Variants in BTBD1 observed in about 807,000 individuals in gnomAD.
The protein encoded by BTBD1 is BTB/POZ domain-containing protein 1.
BTBD1 carries 34 observed loss-of-function variants against 48.0 expected under a neutral mutation model. The observed-to-expected ratio is 0.71, with a 90% confidence interval of 0.54 to 0.94. The LOEUF (loss-of-function observed/expected upper bound fraction) is 0.94, where lower values mean the gene tolerates loss of function less well. Ranked by LOEUF, BTBD1 falls within the 40% of genes least tolerant of loss-of-function variation. BTBD1 has a pLI of 0.00. For synonymous variants in BTBD1, 261 were observed against 242.1 expected (o/e 1.08, Z -0.72); for missense variants, 543 against 625.6 (o/e 0.87, Z 1.41).
Position 83,017,908 on chromosome 15 carries a change from A to G in BTBD1, c.*159T>C, listed in dbSNP as rs914862063. ...TGGAAAATCTGTTTTTAAATCATGC[A>G]AAGATTTAAATAAGCATTTTTCTAT... On this transcript the variant is annotated 3_prime_UTR_variant, in exon 8 of 8. Transcript: ENST00000261721. 5 of 439,680 alleles carry G rather than the reference A, an allele frequency of 1.1e-5. No individual in the cohort carries two copies. In the Admixed American group the frequency reaches 2.1e-4, roughly 19 times the overall value. 27.2% of individuals were successfully genotyped at this position (439,680 alleles called of 1,614,324 possible).
chr15:83,029,015 G>A (rs2032465408), intron 5 of BTBD1, among the ~76,000 whole-genome samples: 1 of 152,066 alleles, frequency 6.6e-6, no homozygotes, highest in Non-Finnish European at 1.5e-5. Flanking sequence ...TGGGCTGAAT[G>A]CTTAAATCAT....
intron 4 of BTBD1, among the ~76,000 whole-genome samples, chr15:83,038,533 G>A (rs950827354): frequency 6.6e-6 from 1 of 151,760 alleles, no homozygotes; most frequent in Non-Finnish European, 1.5e-5. Flanking sequence ...ATTTTTCACA[G>A]AACTAGAAAA....
In BTBD1 at chr15:83,016,732, G is replaced by A. The variant is rs2032174131; in HGVS notation, c.*1335C>T. ...TTAACTGAGGTTTATATCCGTAAGA[G>A]CATTACCATAGAAAAATTTCCCTTT... On this transcript the variant is annotated 3_prime_UTR_variant, in exon 8 of 8. Coordinates refer to ENST00000261721, the MANE Select transcript of BTBD1 (RefSeq NM_025238.4). 2 of 152,096 alleles carry A rather than the reference G, an allele frequency of 1.3e-5. No homozygotes were observed. Among genetic ancestry groups the A allele is most frequent in the African/African-American group, 4.8e-5 (2 of 41,422 alleles). 9.4% of individuals were successfully genotyped at this position (152,096 alleles called of 1,614,324 possible). A position where few individuals can be genotyped will look rare whatever the true frequency, so the allele number is the denominator to read the frequency against.
At position 83,018,962 on chromosome 15, in the gene BTBD1, TCTCA is replaced by T. The variant is rs199871904; in HGVS notation, c.1144-113_1144-110del. 1,944 of 217,770 alleles carry T rather than the reference TCTCA, an allele frequency of 8.9e-3. 51 individuals are homozygous for T. Among genetic ancestry groups the T allele is most frequent in the African/African-American group, 0.049 (1,874 of 37,918 alleles). 13.5% of individuals were successfully genotyped at this position (217,770 alleles called of 1,614,324 possible). A position where few individuals can be genotyped will look rare whatever the true frequency, so the allele number is the denominator to read the frequency against. On this transcript the variant is annotated intron_variant, in intron 6 of 7. Transcript: ENST00000261721. ...TGTGCGTGTGTGTTTTGAGACAGAC[TCTCA>T]CTCTGTTGCCTAGCCTTGGGGGTGG...
At chr15:83,021,969 C>T (rs1021027964) in intron 5 of BTBD1, among the ~76,000 whole-genome samples, 2 of 152,048 alleles carry the variant, frequency 1.3e-5, no homozygotes, top group Admixed American at 1.3e-4. Flanking sequence ...CTTTAGTCAT[C>T]GTAACAGCCC....
Position 83,018,770 on chromosome 15 carries a change from G to T in BTBD1, c.1227C>A (p.Val409=), listed in dbSNP as rs1192378690. The T allele has an allele frequency of 1.9e-6, 3 of 1,613,998 alleles. No homozygotes were observed. The African/African-American group carries it at 4.0e-5, about 22-fold the overall frequency. ...GGATCTCTATGGGTTCCTTGAACAT[G>T]ACCCTGAATGTGTTAGCTGTCCCAT... ...SCDGTANTFR[V]MFKEPIEILP... is the part of the protein sequence containing the mutation. Residue 409 remains valine (V), a synonymous_variant, in exon 7 of 8, where the codon GTC becomes GTA. Transcript: ENST00000261721.
chr15:83,066,802 G>A lies in BTBD1; in HGVS notation c.350C>T (p.Ala117Val). Residue 117 changes from alanine (A) to valine (V), a missense_variant, in exon 1 of 8, where the codon GCC becomes GTC. Ala to Val is a moderately conservative substitution (Grantham distance 64). Coordinates refer to ENST00000261721, the MANE Select transcript of BTBD1 (RefSeq NM_025238.4). ...CTCCACGTCCGGCAGCTCGATCTCG[G>A]CCGACGTGGTGGCCATGCCGCCGTT... The part of the protein sequence containing the change: ...MFNGGMATTS[A>V]EIELPDVEPA... 6.9e-7 allele frequency: 1 copy of A among 1,444,662 alleles called. No homozygotes were observed. The highest frequency in any genetic ancestry group is 9.1e-7 in the Non-Finnish European group (1 of 1,101,860). The allele number at this position is 1,444,662 out of a possible 1,614,324, so 89.5% of individuals were successfully genotyped here.
At chr15:83,037,835 C>T (rs953973028) in intron 4 of BTBD1, among the ~76,000 whole-genome samples, 28 of 152,168 alleles carry the variant, frequency 1.8e-4, no homozygotes, top group South Asian at 4.1e-4. Flanking sequence ...GTAATCCCAG[C>T]GCTTTGGGAG....
chr15:83,066,774 G>A lies in BTBD1; in HGVS notation c.378C>T (p.Pro126=), dbSNP rs928346941. The change falls in exon 1 of 8, where the codon CCC becomes CCT. Residue 126 remains proline (P), a synonymous_variant. Transcript: ENST00000261721. ...ACCTCAGCAGCGCCAGGAAGGCTGC[G>A]GGCTCCACGTCCGGCAGCTCGATCT... ...SAEIELPDVE[P]AAFLALLRFL... is the part of the protein sequence containing the mutation. 2 of 1,423,530 alleles carry A rather than the reference G, an allele frequency of 1.4e-6. No individual in the cohort carries two copies. Among genetic ancestry groups the A allele is most frequent in the Non-Finnish European group, 1.8e-6 (2 of 1,094,002 alleles). The allele number at this position is 1,423,530 out of a possible 1,614,324, so 88.2% of individuals were successfully genotyped here.
At chr15:83,037,051 AC>A (rs2032644202) in intron 4 of BTBD1, among the ~76,000 whole-genome samples, 1 of 152,148 alleles carries the variant, frequency 6.6e-6, no homozygotes, top group African/African-American at 2.4e-5. Flanking sequence ...TTTAAAAAAA[AC>A]CCAAACACTG....
chr15:83,021,045 G>C (rs1274704647), intron 5 of BTBD1, among the ~76,000 whole-genome samples: 1 of 152,146 alleles, frequency 6.6e-6, no homozygotes, highest in Admixed American at 6.5e-5. Context: ...CCAAATATTT[G>C]TACATCTTTT....
intron 1 of BTBD1, chr15:83,061,779 A>G (rs192192807): frequency 1.3e-5 from 2 of 152,364 alleles, no homozygotes; most frequent in East Asian, 3.9e-4. Context: ...TACATAGACG[A>G]CAAACCACCT....
Position 83,018,831 on chromosome 15 carries a change from T to C in BTBD1, c.1166A>G (p.Gln389Arg), listed in dbSNP as rs1315819202. 2 of 1,613,122 alleles carry C rather than the reference T, an allele frequency of 1.2e-6. No homozygotes were observed. Among genetic ancestry groups the C allele is most frequent in the East Asian group, 4.5e-5 (2 of 44,890 alleles). The change falls in exon 7 of 8, where the codon CAA becomes CGA. Residue 389 changes from glutamine (Q) to arginine (R), a missense_variant. Around this residue, in one of 3 missense-constraint regions of BTBD1, gnomAD observed 300 missense variants for 350.0 expected, o/e 0.86. Transcript: ENST00000261721. ...NIQIIEYEKK[Q>R]TLGQNDTGFS... Reference sequence around the variant, plus strand: ...GCCGGTATCATTCTGTCCCAGGGTTTGCTTTTTCTCATATTCAATGATCTG... The same window carrying C: ...GCCGGTATCATTCTGTCCCAGGGTTCGCTTTTTCTCATATTCAATGATCTG...
chr15:83,039,616 A>G (rs968743594), intron 4 of BTBD1, among the ~76,000 whole-genome samples: 15 of 152,000 alleles, frequency 9.9e-5, no homozygotes, highest in African/African-American at 3.6e-4. Context: ...CTACCAAAAA[A>G]TACAAAAATT....
chr15:83,024,063 G>C (rs1232726357), intron 5 of BTBD1: 1 of 152,090 alleles, frequency 6.6e-6, no homozygotes, highest in Non-Finnish European at 1.5e-5. Flanking sequence ...AGAGATGGGG[G>C]TTTCACCATG....
At chr15:83,020,148 G>GT (rs1373470260) in intron 6 of BTBD1, 5 of 152,888 alleles carry the variant, frequency 3.3e-5, no homozygotes, top group African/African-American at 1.2e-4. Context: ...GCACATACCT[G>GT]TGGTCCTAGC....
chr15:83,018,470 CCAAACATT>C (rs1160490244), intron 7 of BTBD1, among the ~76,000 whole-genome samples: 1 of 152,186 alleles, frequency 6.6e-6, no homozygotes, highest in East Asian at 1.9e-4. Flanking sequence ...TTATTTTCTG[CCAAACATT>C]CAACTGCTTA....
chr15:83,065,830 A>G (rs781360168), intron 1 of BTBD1, among the ~76,000 whole-genome samples: 2 of 152,208 alleles, frequency 1.3e-5, no homozygotes, highest in East Asian at 1.9e-4. Context: ...TCAATCTACT[A>G]TCCTCAAATA....
intron 2 of BTBD1, among the ~76,000 whole-genome samples, chr15:83,053,389 G>A (rs1244068450): frequency 1.3e-5 from 2 of 151,928 alleles, no homozygotes; most frequent in Admixed American, 1.3e-4. Context: ...AGACCAATAA[G>A]ATACTGAAAA....
Sources: gnomAD v4.1 joint callset for allele counts (sites outside exome capture counted in the v4.1 genomes callset) on GRCh38, gnomAD v4.1.1 for gene constraint, gnomAD v4.1.1 regional missense constraint, MANE v1.5 for transcripts, NCBI Gene and HGNC (gene_info 2026-07-23, HGNC 2026-07-21) for gene names.